Variants in METTL15 observed in about 807,000 individuals in gnomAD.
The protein encoded by METTL15 is 12S rRNA N(4)-cytidine methyltransferase METTL15.
Under a neutral mutation model 38.3 loss-of-function variants are expected in METTL15, and 34 were observed. That is an observed-to-expected ratio of 0.89 (90% CI 0.68 to 1.18). The LOEUF is 1.18. Among genes scored for constraint, METTL15 ranks in the 50% most tolerant of loss-of-function variants. The probability of loss-of-function intolerance (pLI) is 0.00; values close to 1 mark genes in which losing one functional copy is unlikely to be tolerated. For synonymous variants in METTL15, 162 were observed against 170.9 expected, an observed-to-expected ratio of 0.95 and a Z score of 0.41; for missense variants, 438 against 498.4, an observed-to-expected ratio of 0.88 and a Z score of 1.15.
intron 3 of METTL15, among the ~76,000 whole-genome samples, chr11:28,124,851 T>C (rs1243503533): frequency 1.3e-5 from 2 of 152,108 alleles, no homozygotes; most frequent in Non-Finnish European, 2.9e-5. Flanking sequence ...TATATAATGG[T>C]TATATGAATA....
intron 4 of METTL15, among the ~76,000 whole-genome samples, chr11:28,284,950 A>G (rs978499544): frequency 6.6e-6 from 1 of 152,128 alleles, no homozygotes; most frequent in Non-Finnish European, 1.5e-5. Context: ...CCATTTGGCA[A>G]GGGCAGGACC....
At chr11:28,321,121 T>C (rs903852809) in intron 6 of METTL15, among the ~76,000 whole-genome samples, 9 of 152,148 alleles carry the variant, frequency 5.9e-5, no homozygotes, top group Non-Finnish European at 5.9e-5. Flanking sequence ...CAAATCCCCT[T>C]CCTACCTACT....
chr11:28,344,649 C>CT (rs1347529832), intron 3 of METTL15, among the ~76,000 whole-genome samples: 1 of 152,160 alleles, frequency 6.6e-6, no homozygotes, highest in African/African-American at 2.4e-5. Context: ...CATACACTGT[C>CT]TAAGAGAATC....
chr11:28,413,664 C>T (rs1267047178), intron 5 of METTL15, among the ~76,000 whole-genome samples: 1 of 152,080 alleles, frequency 6.6e-6, no homozygotes, highest in Non-Finnish European at 1.5e-5. Flanking sequence ...GAATAGGAGG[C>T]AATGTCTCTT....
intron 6 of METTL15, among the ~76,000 whole-genome samples, chr11:28,509,165 G>A (rs1015368110): frequency 2.6e-5 from 4 of 152,200 alleles, no homozygotes; most frequent in Non-Finnish European, 5.9e-5. Context: ...TGCAGCTGTT[G>A]CTTGTTAGTA....
At chr11:28,419,521 G>A (rs1850802192) in intron 5 of METTL15, among the ~76,000 whole-genome samples, 2 of 152,200 alleles carry the variant, frequency 1.3e-5, no homozygotes, top group Admixed American at 1.3e-4. Context: ...TTGAATACCT[G>A]GAAAGCCTTC....
At chr11:28,389,900 C>T (rs1850484215) in intron 5 of METTL15, among the ~76,000 whole-genome samples, 2 of 151,838 alleles carry the variant, frequency 1.3e-5, no homozygotes, top group African/African-American at 4.8e-5. Context: ...CCTGTTGTTT[C>T]CTGACTTTTT....
chr11:28,152,900 AG>A (rs1850140964), intron 3 of METTL15, among the ~76,000 whole-genome samples: 1 of 152,048 alleles, frequency 6.6e-6, no homozygotes, highest in South Asian at 2.1e-4. Flanking sequence ...TTTCTGGGAA[AG>A]GGGTGGGCAG....
intron 3 of METTL15, among the ~76,000 whole-genome samples, chr11:28,175,281 CT>C (rs35941180): frequency 0.38 from 56,965 of 151,656 alleles, 12,211 homozygotes; most frequent in African/African-American, 0.59. Flanking sequence ...ATGAACTCAT[CT>C]TTTTTTATGG....
intron 5 of METTL15, among the ~76,000 whole-genome samples, chr11:28,414,442 G>A (rs916541139): frequency 2.6e-5 from 4 of 152,004 alleles, no homozygotes; most frequent in African/African-American, 7.2e-5. Context: ...GCAGGGCTCC[G>A]TTCTTCCCCC....
intron 3 of METTL15, among the ~76,000 whole-genome samples, chr11:28,167,023 TA>T (rs1324571348): frequency 2.2e-4 from 34 of 152,344 alleles, no homozygotes; most frequent in African/African-American, 7.7e-4. Context: ...ACTTCTGACC[TA>T]ACCTTTTGAT....
intron 4 of METTL15, among the ~76,000 whole-genome samples, chr11:28,214,410 G>A (rs972452373): frequency 4.6e-5 from 7 of 152,088 alleles, no homozygotes; most frequent in Admixed American, 2.0e-4. Flanking sequence ...TACAAAAATT[G>A]AAAAGGAAAT....
At chr11:28,373,031 G>T (rs190651587) in intron 5 of METTL15, among the ~76,000 whole-genome samples, 6 of 151,830 alleles carry the variant, frequency 4.0e-5, no homozygotes, top group South Asian at 2.1e-4. Context: ...ATTGGACATT[G>T]GGGTTGGTTC....
At chr11:28,461,523 T>A (rs749763723) in intron 6 of METTL15, among the ~76,000 whole-genome samples, 2 of 152,036 alleles carry the variant, frequency 1.3e-5, no homozygotes, top group Non-Finnish European at 2.9e-5. Flanking sequence ...ACAATGTAGC[T>A]CATTGCATAA....
intron 4 of METTL15, among the ~76,000 whole-genome samples, chr11:28,267,025 TG>T (rs1218137996): frequency 6.6e-6 from 1 of 151,950 alleles, no homozygotes; most frequent in Non-Finnish European, 1.5e-5. Context: ...CTGAGCGTGG[TG>T]GTGGACACTT....
In METTL15 at chr11:28,171,961, G is replaced by T. The variant is rs780378257; in HGVS notation, c.271-39101G>T. Among the ~76,000 whole-genome samples the T allele has an allele frequency of 3.3e-5, 5 of 151,740 alleles. No homozygotes were observed. The South Asian group carries it at 8.3e-4, about 25-fold the overall frequency. On this transcript the variant is annotated intron_variant, in intron 3 of 6. Coordinates refer to ENST00000407364, the MANE Select transcript of METTL15 (RefSeq NM_001113528.2). The stretch of plus-strand genomic sequence containing the variant: ...CACATGCCACCATGCCCAGCTAAAT[G>T]TCTTGAAAAATTTTTTTTTTGAAGA...
chr11:28,212,716 G>A (rs1668955581), intron 4 of METTL15, among the ~76,000 whole-genome samples: 1 of 152,136 alleles, frequency 6.6e-6, no homozygotes, highest in Admixed American at 6.5e-5. Flanking sequence ...TTTTGTACAT[G>A]TCTAATACAG....
chr11:28,341,462 T>C (rs2133354600), intron 3 of METTL15, among the ~76,000 whole-genome samples: 1 of 152,348 alleles, frequency 6.6e-6, no homozygotes, highest in South Asian at 2.1e-4. Flanking sequence ...ATGTTTGTAA[T>C]GAATGTATAT....
chr11:28,454,627 C>G (rs933754695), intron 6 of METTL15, among the ~76,000 whole-genome samples: 2 of 152,218 alleles, frequency 1.3e-5, no homozygotes, highest in African/African-American at 2.4e-5. Flanking sequence ...CAAACCAATA[C>G]TTAGAACCTC....
Sources: allele counts gnomAD v4.1 joint callset (sites outside exome capture counted in the v4.1 genomes callset), GRCh38; gene constraint gnomAD v4.1.1; transcripts MANE v1.5; gene names NCBI Gene and HGNC (gene_info 2026-07-23, HGNC 2026-07-21).